The following SPATA13 variants were observed in gnomAD, a reference collection of about 807,000 sequenced individuals.
The protein encoded by SPATA13 is spermatogenesis-associated protein 13.
In SPATA13, 50 loss-of-function variants were observed where a neutral mutation model predicts 104.0. The observed-to-expected ratio is 0.48, with a 90% CI of 0.38 to 0.61. SPATA13 has a LOEUF of 0.61. SPATA13 is among the 20% of genes least tolerant of loss of function. The probability of loss-of-function intolerance (pLI) is 0.00; values close to 1 mark genes in which losing one functional copy is unlikely to be tolerated. For synonymous variants in SPATA13, 606 were observed against 667.5 expected, an observed-to-expected ratio of 0.91 and a Z score of 1.42; for missense variants, 1,524 against 1,690.6, an observed-to-expected ratio of 0.90 and a Z score of 1.73.
chr13:24,082,839 A>T (rs1254482083), intron 3 of SPATA13, among the ~76,000 whole-genome samples: 3 of 150,462 alleles, frequency 2.0e-5, no homozygotes, highest in Non-Finnish European at 4.4e-5. Context: ...AAAAAAAAAA[A>T]AAAAAAAAAA....
At chr13:24,198,498 C>A (rs1166902423) in intron 1 of SPATA13, among the ~76,000 whole-genome samples, 1 of 152,132 alleles carries the variant, frequency 6.6e-6, no homozygotes, top group African/African-American at 2.4e-5. Flanking sequence ...ATCCTTCAGA[C>A]GCAGTTAATA....
chr13:24,222,780 GGGA>G, intron 1 of SPATA13, 36 bp from the exon 2 acceptor site: 1 of 1,479,030 alleles, frequency 6.8e-7, no homozygotes, highest in Non-Finnish European at 9.0e-7. Flanking sequence ...GCTACTGCGT[GGGA>G]AATGGCTAAA....
At chr13:24,257,004 C>A (rs1186325806) in intron 4 of SPATA13, among the ~76,000 whole-genome samples, 1 of 152,194 alleles carries the variant, frequency 6.6e-6, no homozygotes, top group Non-Finnish European at 1.5e-5. Context: ...TTTTCTCTTT[C>A]ATTTGAGACA....
chr13:24,056,137 T>C (rs1878534306), intron 3 of SPATA13, among the ~76,000 whole-genome samples: 1 of 152,204 alleles, frequency 6.6e-6, no homozygotes, highest in Non-Finnish European at 1.5e-5. Flanking sequence ...CCCTCAGAAT[T>C]TCACAGATGT....
At position 24,011,310 on chromosome 13, in the gene SPATA13, A is replaced by C. The variant is rs958847639; in HGVS notation, c.-146-6357A>C. On this transcript the variant is annotated intron_variant, in intron 2 of 14. Transcript: ENST00000424834. The surrounding 1 kb of genome is among the most constrained non-coding windows in gnomAD (Gnocchi z 4.3). ...TTTCCCTTCCTTTCATTTCTGAGGC[A>C]GTGCCGGCCGGCTTGGCCATCTCAT... 1.3e-5 allele frequency among the ~76,000 whole-genome samples: 2 copies of C among 152,176 alleles called. No individual in the cohort carries two copies. Among genetic ancestry groups the C allele is most frequent in the Non-Finnish European group, 2.9e-5 (2 of 68,038 alleles).
intron 4 of SPATA13, among the ~76,000 whole-genome samples, chr13:24,267,227 C>T (rs1486299421): frequency 6.6e-6 from 1 of 152,192 alleles, no homozygotes; most frequent in African/African-American, 2.4e-5. Flanking sequence ...CCCTGGGACT[C>T]TTCCATCTAG....
chr13:23,983,217 A>T (rs1320794509), intron 1 of SPATA13, among the ~76,000 whole-genome samples: 1 of 147,864 alleles, frequency 6.8e-6, no homozygotes, highest in Admixed American at 6.7e-5. Flanking sequence ...GTCCGAGATC[A>T]AGGAGTCTGC....
chr13:24,001,671 G>A (rs1174090509), intron 2 of SPATA13, among the ~76,000 whole-genome samples: 2 of 152,202 alleles, frequency 1.3e-5, no homozygotes, highest in African/African-American at 2.4e-5. Context: ...GAAGCAGGAG[G>A]GGTGAGGAGT....
intron 3 of SPATA13, among the ~76,000 whole-genome samples, chr13:24,062,083 A>T (rs1400893895): frequency 6.6e-6 from 1 of 152,146 alleles, no homozygotes; most frequent in Non-Finnish European, 1.5e-5. Context: ...CTGGATGGAG[A>T]CATGACCCAC....
chr13:24,192,411 T>A (rs776379471), intron 1 of SPATA13, among the ~76,000 whole-genome samples: 3 of 152,130 alleles, frequency 2.0e-5, no homozygotes, highest in Non-Finnish European at 4.4e-5. Context: ...CCTGCTACTC[T>A]AGTTCTCCTC....
intron 3 of SPATA13, among the ~76,000 whole-genome samples, chr13:24,149,376 A>C (rs1882030493): frequency 6.6e-6 from 1 of 152,168 alleles, no homozygotes; most frequent in Non-Finnish European, 1.5e-5. Flanking sequence ...GGGGTGAAAT[A>C]CGCATCTCAC....
intron 1 of SPATA13, among the ~76,000 whole-genome samples, chr13:24,162,863 G>C (rs1222257113): frequency 6.6e-6 from 1 of 152,212 alleles, no homozygotes; most frequent in African/African-American, 2.4e-5. Context: ...GTGACCTCTT[G>C]AACTCAGGCA....
At chr13:24,001,445 G>A (rs534418415) in intron 2 of SPATA13, among the ~76,000 whole-genome samples, 57 of 152,066 alleles carry the variant, frequency 3.7e-4, no homozygotes, top group Non-Finnish European at 7.2e-4. Flanking sequence ...GGGTTCGGTG[G>A]GGCTGGAAGT....
At chr13:24,010,455 T>G (rs1197052215) in intron 2 of SPATA13, among the ~76,000 whole-genome samples, 2 of 137,568 alleles carry the variant, frequency 1.5e-5, no homozygotes, top group Non-Finnish European at 3.2e-5. Context: ...GGGAGGTATG[T>G]AGCTTTTTTT....
At chr13:24,201,209 T>TGTCA (rs1870383897) in intron 1 of SPATA13, among the ~76,000 whole-genome samples, 1 of 152,182 alleles carries the variant, frequency 6.6e-6, no homozygotes, top group South Asian at 2.1e-4. Flanking sequence ...TGTGACCCCC[T>TGTCA]GTCATGTGTA....
At chr13:24,245,747 G>A (rs1012908650) in intron 2 of SPATA13, among the ~76,000 whole-genome samples, 5 of 151,666 alleles carry the variant, frequency 3.3e-5, no homozygotes, top group East Asian at 1.9e-4. Context: ...ACATAAAACC[G>A]TGCCCTGCTA....
chr13:24,064,962 T>C (rs1202855441), intron 3 of SPATA13, among the ~76,000 whole-genome samples: 1 of 132,262 alleles, frequency 7.6e-6, no homozygotes, highest in Non-Finnish European at 1.6e-5. Context: ...ATGAAAAACA[T>C]GGAAAGCCTG....
At chr13:24,175,134 G>T (rs1286180231) in intron 1 of SPATA13, among the ~76,000 whole-genome samples, 2 of 152,140 alleles carry the variant, frequency 1.3e-5, no homozygotes, top group Admixed American at 6.5e-5. Context: ...TGATGTCCTA[G>T]GGCGGAGTTC....
chr13:24,246,472 T>C (rs1873136698), intron 2 of SPATA13, among the ~76,000 whole-genome samples: 1 of 152,194 alleles, frequency 6.6e-6, no homozygotes, highest in Non-Finnish European at 1.5e-5. Flanking sequence ...GTGAATTAAA[T>C]TGACAGAAGA....
Sources: gnomAD v4.1 joint callset for allele counts (sites outside exome capture counted in the v4.1 genomes callset) on GRCh38, gnomAD v4.1.1 for gene constraint, Gnocchi (gnomAD v3.1) non-coding constraint, MANE v1.5 for transcripts, NCBI Gene and HGNC (gene_info 2026-07-23, HGNC 2026-07-21) for gene names.